The following TRIM32 variants were observed in gnomAD, a reference collection of about 807,000 sequenced individuals.
TRIM32 encodes E3 ubiquitin-protein ligase TRIM32.
A neutral mutation model predicts 36.0 loss-of-function variants in TRIM32; 19 were observed. The ratio of observed to expected loss-of-function variants is 0.53; its 90% CI spans 0.37 to 0.77. TRIM32 has a LOEUF of 0.77. Among genes scored for constraint, TRIM32 ranks in the 30% least tolerant of loss-of-function variants. The pLI is 0.00. For missense variants in TRIM32, 747 were observed against 845.2 expected (o/e 0.88, Z 1.44); for synonymous variants, 309 against 318.5 (o/e 0.97, Z 0.32).
chr9:116,687,639 C>A (rs1015144294), intron 1 of TRIM32, among the ~76,000 whole-genome samples: 1 of 150,750 alleles, frequency 6.6e-6, no homozygotes, highest in African/African-American at 2.4e-5. Flanking sequence ...AAGAGATTTG[C>A]GGTTGCAGCA....
chr9:116,687,398 A>T lies in TRIM32; in HGVS notation c.-82+17A>T. 9.6e-5 allele frequency: 10 copies of T among 104,432 alleles called. No homozygotes were observed. Among genetic ancestry groups the T allele is most frequent in the Non-Finnish European group, 9.5e-5 (5 of 52,554 alleles). The allele number at this position is 104,432 out of a possible 1,614,324, so 6.5% of individuals were successfully genotyped here. On this transcript the variant is annotated intron_variant, in intron 1 of 1. Transcript: ENST00000450136. ...GGCGGTCAGGTAGGGGGCGGGAAGG[A>T]GGGTTGGGGACTGGGGACCGCGGCC... is the stretch of plus-strand genomic sequence containing the variant.
chr9:116,699,155 A>C lies in TRIM32; in HGVS notation c.1413A>C (p.Lys471Asn). The change falls in exon 2 of 2, where the codon AAA becomes AAC. Residue 471 changes from lysine (K) to asparagine (N), a missense_variant. Coordinates refer to ENST00000450136, the MANE Select transcript of TRIM32 (RefSeq NM_012210.4). The surrounding 1 kb of genome is among the most constrained non-coding windows in gnomAD (Gnocchi z 4.2). Reference protein sequence around the residue: ...CVACHRSQLSKPWGITALPSG... With the variant: ...CVACHRSQLSNPWGITALPSG... ...CCTGTCACAGGAGCCAGCTGAGCAA[A>C]CCATGGGGTATCACAGCCTTGCCAT... The C allele has an allele frequency of 6.2e-7, 1 of 1,614,238 alleles. No individual in the cohort carries two copies. The highest frequency in any genetic ancestry group is 8.5e-7 in the Non-Finnish European group (1 of 1,180,040).
In TRIM32 at chr9:116,699,430, G is replaced by A. The variant is rs138056275; in HGVS notation, c.1688G>A (p.Arg563His). Reference protein sequence around the residue: ...GSVGPDGQLGRQISHFFSENE... With the variant: ...GSVGPDGQLGHQISHFFSENE... Reference sequence around the variant, plus strand: ...GTAGGCCCTGATGGGCAGCTGGGTCGCCAGATTAGCCACTTCTTCTCGGAG... The same window carrying A: ...GTAGGCCCTGATGGGCAGCTGGGTCACCAGATTAGCCACTTCTTCTCGGAG... Residue 563 changes from arginine (R) to histidine (H), a missense_variant, in exon 2 of 2, where the codon CGC (arginine) becomes CAC (histidine). Arg to His is a conservative substitution (Grantham distance 29). Coordinates refer to ENST00000450136, the MANE Select transcript of TRIM32 (RefSeq NM_012210.4). This position sits in a 1 kb window ranked among gnomAD's most constrained non-coding sequence, Gnocchi z 4.2. 6.7e-5 allele frequency: 108 copies of A among 1,614,028 alleles called. No homozygotes were observed. The highest frequency in any genetic ancestry group is 1.6e-4 in the Middle Eastern group (1 of 6,084).
Position 116,698,464 on chromosome 9 carries a change from A to C in TRIM32, c.722A>C (p.Tyr241Ser). ...AEVQAVSRCD[Y>S]FLAKIKQADV... is the part of the protein sequence containing the mutation. ...GTGCAGGCTGTGTCTCGCTGTGACT[A>C]CTTCCTGGCCAAGATCAAGCAGGCA... Residue 241 changes from tyrosine to serine, a missense_variant, in exon 2 of 2, where the codon TAC (tyrosine) becomes TCC (serine). Physicochemically the swap from Tyr to Ser is moderately radical, Grantham distance 144. Coordinates refer to ENST00000450136, the MANE Select transcript of TRIM32 (RefSeq NM_012210.4). The surrounding 1 kb of genome is among the most constrained non-coding windows in gnomAD (Gnocchi z 4.4). The C allele has an allele frequency of 6.2e-7, 1 of 1,613,918 alleles. No individual in the cohort carries two copies. Among genetic ancestry groups the C allele is most frequent in the Non-Finnish European group, 8.5e-7 (1 of 1,180,010 alleles).
At chr9:116,687,501 TGG>T (rs1860318935) in intron 1 of TRIM32, 120 bp downstream of exon 1, 2 of 48,676 alleles carry the variant, frequency 4.1e-5, no homozygotes, top group African/African-American at 1.6e-4. Context: ...TGGCAGGGTG[TGG>T]GGACCGGATC....
In TRIM32 at chr9:116,698,607, CT is replaced by C; in HGVS notation, c.866del (p.Leu289ProfsTer39). On this transcript the variant is annotated frameshift_variant, in exon 2 of 2. Transcript: ENST00000450136. LOFTEE classifies it high-confidence loss of function. This position sits in a 1 kb window ranked among gnomAD's most constrained non-coding sequence, Gnocchi z 4.4. Reference protein sequence around the residue: ...ELLKVGHVGPLQIGQAVKKPR... With the variant: ...ELLKVGHVGPXQIGQAVKKPR... The stretch of plus-strand genomic sequence containing the variant: ...CCTTAAGGTAGGTCATGTTGGCCCC[CT>C]CCAAATTGGACAAGCTGTTAAGAAG... 1 of 1,614,114 alleles carries C rather than the reference CT, an allele frequency of 6.2e-7. No individual in the cohort carries two copies.
In TRIM32 at chr9:116,697,702, A is replaced by T. The variant is rs201288003; in HGVS notation, c.-41A>T. ...CTAGGGCATGAATACTGTGCTGTTCAGTTCTGAGCTGTGCTAGCAATACCC... is the reference window on the plus strand; with the variant it reads ...CTAGGGCATGAATACTGTGCTGTTCTGTTCTGAGCTGTGCTAGCAATACCC... On this transcript the variant is annotated 5_prime_UTR_variant, in exon 2 of 2. Coordinates refer to ENST00000450136, the MANE Select transcript of TRIM32 (RefSeq NM_012210.4). 8 of 1,612,014 alleles carry T rather than the reference A, an allele frequency of 5.0e-6. No homozygotes were observed. The highest frequency in any genetic ancestry group is 6.8e-6 in the Non-Finnish European group (8 of 1,179,840).
Position 116,699,721 on chromosome 9 carries a change from A to G in TRIM32, c.*17A>G. 6 of 1,614,198 alleles carry G rather than the reference A, an allele frequency of 3.7e-6. No individual in the cohort carries two copies. Among genetic ancestry groups the G allele is most frequent in the Non-Finnish European group, 5.1e-6 (6 of 1,180,036 alleles). Reference sequence around the variant, plus strand: ...ACCCCATAGGGGATGAGAAATTATCAGTTTCTTCTGCTCCCAAGCCAACTT... The same window carrying G: ...ACCCCATAGGGGATGAGAAATTATCGGTTTCTTCTGCTCCCAAGCCAACTT... On this transcript the variant is annotated 3_prime_UTR_variant, in exon 2 of 2. Coordinates refer to ENST00000450136, the MANE Select transcript of TRIM32 (RefSeq NM_012210.4). This position sits in a 1 kb window ranked among gnomAD's most constrained non-coding sequence, Gnocchi z 4.2.
chr9:116,693,748 G>A lies in TRIM32; in HGVS notation c.-81-3914G>A, dbSNP rs1860692554. Among the ~76,000 whole-genome samples the A allele has an allele frequency of 1.3e-5, 2 of 152,172 alleles. 1 individual carries two copies. The highest frequency in any genetic ancestry group is 4.1e-4 in the South Asian group (2 of 4,826). ...GTACAGTTGATAGCTGGCAGAAAATGGGCAGCTTACTTAAAGATTTGGAAT... is the reference window on the plus strand; with the variant it reads ...GTACAGTTGATAGCTGGCAGAAAATAGGCAGCTTACTTAAAGATTTGGAAT... On this transcript the variant is annotated intron_variant, in intron 1 of 1. Transcript: ENST00000450136.
At position 116,698,649 on chromosome 9, in the gene TRIM32, G is replaced by C; in HGVS notation, c.907G>C (p.Val303Leu). ...TGTTAAGAAGCCCCGGACAGTTAAC[G>C]TGGAAGATTCCTGGGCCATGGAGGC... ...QAVKKPRTVNVEDSWAMEATA... is the reference protein window; with the variant it reads ...QAVKKPRTVNLEDSWAMEATA... Residue 303 changes from valine (V) to leucine (L), a missense_variant, in exon 2 of 2, where the codon GTG (valine) becomes CTG (leucine). By Grantham distance (32) the Val-to-Leu change is conservative. Transcript: ENST00000450136. The surrounding 1 kb of genome is among the most constrained non-coding windows in gnomAD (Gnocchi z 4.4). The C allele has an allele frequency of 6.2e-7, 1 of 1,614,122 alleles. No homozygotes were observed. Among genetic ancestry groups the C allele is most frequent in the Non-Finnish European group, 8.5e-7 (1 of 1,180,026 alleles).
intron 1 of TRIM32, among the ~76,000 whole-genome samples, chr9:116,687,816 A>C (rs1860349221): frequency 6.6e-6 from 1 of 151,938 alleles, no homozygotes; most frequent in South Asian, 2.1e-4. Context: ...GGCGCTAGGC[A>C]TCTGGCAAGG....
intron 1 of TRIM32, among the ~76,000 whole-genome samples, chr9:116,687,944 T>C (rs1384385077): frequency 6.6e-6 from 1 of 151,882 alleles, no homozygotes; most frequent in Non-Finnish European, 1.5e-5. Context: ...TGAGGGACTC[T>C]ATCTTGTTAG....
chr9:116,695,785 G>A (rs1860815892), intron 1 of TRIM32, among the ~76,000 whole-genome samples: 1 of 152,136 alleles, frequency 6.6e-6, no homozygotes. Context: ...ATCTCTCTGG[G>A]TCAACTTCAT....
At chr9:116,687,706 G>A (rs540442765) in intron 1 of TRIM32, among the ~76,000 whole-genome samples, 4 of 152,104 alleles carry the variant, frequency 2.6e-5, no homozygotes, top group Non-Finnish European at 4.4e-5. Flanking sequence ...TGTAGCATGT[G>A]GGAGATGGGA....
intron 1 of TRIM32, among the ~76,000 whole-genome samples, chr9:116,696,689 C>G (rs917059141): frequency 6.6e-6 from 1 of 151,984 alleles, no homozygotes; most frequent in African/African-American, 2.4e-5. Flanking sequence ...TATTATTTAC[C>G]TACATGTCTT....
rs1380464140 is a variant in TRIM32, at chr9:116,697,762, C to T, written c.20C>T (p.Ser7Phe). 4.3e-6 allele frequency: 7 copies of T among 1,613,972 alleles called. No individual in the cohort carries two copies. In the Admixed American group the frequency reaches 6.7e-5, roughly 15 times the overall value. ...AGAGCAATGGCTGCAGCAGCAGCTT[C>T]TCACCTGAACCTGGATGCCCTCCGG... is the stretch of plus-strand genomic sequence containing the variant. MAAAAA[S>F]HLNLDALREV... Residue 7 changes from serine (S) to phenylalanine (F), a missense_variant, in exon 2 of 2, where the codon TCT (serine) becomes TTT (phenylalanine). Ser to Phe is a radical substitution (Grantham distance 155). Coordinates refer to ENST00000450136, the MANE Select transcript of TRIM32 (RefSeq NM_012210.4).
At chr9:116,697,464 A>G (rs1243221881) in intron 1 of TRIM32, 198 bp from the exon 2 acceptor site, 5 of 431,804 alleles carry the variant, frequency 1.2e-5, no homozygotes, top group South Asian at 9.8e-5. Flanking sequence ...AATCTGAATT[A>G]TTTCCCACTA....
intron 1 of TRIM32, among the ~76,000 whole-genome samples, chr9:116,693,372 C>T (rs1042078193): frequency 6.6e-6 from 1 of 152,104 alleles, no homozygotes; most frequent in Non-Finnish European, 1.5e-5. Flanking sequence ...TTTTCTACTA[C>T]CTTGGTTACT....
chr9:116,697,590 T>G (rs1860930109), intron 1 of TRIM32, 72 bp from the exon 2 acceptor site: 2 of 975,272 alleles, frequency 2.1e-6, no homozygotes, highest in Admixed American at 2.2e-5. Flanking sequence ...ATAGCTATTC[T>G]CTAAATGTTT....
Sources: gnomAD v4.1 joint callset for allele counts (sites outside exome capture counted in the v4.1 genomes callset) on GRCh38, gnomAD v4.1.1 for gene constraint, Gnocchi (gnomAD v3.1) non-coding constraint, MANE v1.5 for transcripts, NCBI Gene and HGNC (gene_info 2026-07-23, HGNC 2026-07-21) for gene names.